NT5DC3: variants seen among roughly 807,000 people sequenced by gnomAD.
NT5DC3 encodes the protein 5'-nucleotidase domain containing 3.
NT5DC3 carries 42 observed loss-of-function variants against 67.8 expected under a neutral mutation model. The ratio of observed to expected loss-of-function variants is 0.62; its 90% CI spans 0.48 to 0.80. The LOEUF is 0.80. NT5DC3 is among the 30% of genes least tolerant of loss of function. The probability of loss-of-function intolerance (pLI) is 0.00; values close to 1 mark genes in which losing one functional copy is unlikely to be tolerated. For synonymous variants in NT5DC3, 237 were observed against 255.6 expected (o/e 0.93, Z 0.69); for missense variants, 570 against 696.4 (o/e 0.82, Z 2.04).
At chr12:103,749,066 G>A in the NT5DC3 span, 4 of 1,614,126 alleles carry the variant, frequency 2.5e-6, no homozygotes, top group Non-Finnish European at 3.4e-6. Flanking sequence ...GATACAAAGG[G>A]GACGGGCACA....
the NT5DC3 span, chr12:103,758,059 G>C: frequency 6.7e-7 from 1 of 1,491,886 alleles, no homozygotes; most frequent in African/African-American, 1.4e-5. Context: ...AGGCTGAGTT[G>C]GCTCACACCA....
At position 103,796,913 on chromosome 12, in the gene NT5DC3, T is replaced by C; in HGVS notation, c.734A>G (p.His245Arg). Residue 245 changes from histidine to arginine, a missense_variant, in exon 6 of 14, where the codon CAT (histidine) becomes CGT (arginine). His to Arg is a conservative substitution (Grantham distance 29). Around this residue, in one of 2 missense-constraint regions of NT5DC3, gnomAD observed 466 missense variants for 608.0 expected, o/e 0.77. Coordinates refer to ENST00000392876, the MANE Select transcript of NT5DC3 (RefSeq NM_001031701.3). ...TACAACCTTGACATCTTTGTACAGA[T>C]GCACAGGCTCATAGTCGATGTTGTT... Reference protein sequence around the residue: ...LKNNIDYEPVHLYKDVKDSIR... With the variant: ...LKNNIDYEPVRLYKDVKDSIR... The C allele has an allele frequency of 1.9e-6, 3 of 1,614,174 alleles. No homozygotes were observed. The highest frequency in any genetic ancestry group is 2.5e-6 in the Non-Finnish European group (3 of 1,180,028).
chr12:103,761,311 G>C, the NT5DC3 span: 1 of 1,614,028 alleles, frequency 6.2e-7, no homozygotes, highest in African/African-American at 1.3e-5. Context: ...CGGAGACCAG[G>C]TTTGTTGATG....
chr12:103,750,304 A>G, the NT5DC3 span, among the ~76,000 whole-genome samples: 1 of 152,230 alleles, frequency 6.6e-6, no homozygotes, highest in Non-Finnish European at 1.5e-5. Context: ...AAATCAGGCC[A>G]ATGTGATAGA....
chr12:103,764,967 A>T, the NT5DC3 span, among the ~76,000 whole-genome samples: 3 of 151,788 alleles, frequency 2.0e-5, no homozygotes, highest in South Asian at 4.2e-4. Flanking sequence ...GCCTGCCTGT[A>T]ATCCCAGCTA....
chr12:103,781,172 A>G (rs1022208390), intron 12 of NT5DC3, among the ~76,000 whole-genome samples: 5 of 152,212 alleles, frequency 3.3e-5, no homozygotes, highest in Non-Finnish European at 7.3e-5. Flanking sequence ...GCCAGAATCC[A>G]AGGTGCACAT....
At chr12:103,814,164 G>C (rs949063534) in intron 2 of NT5DC3, among the ~76,000 whole-genome samples, 2 of 152,198 alleles carry the variant, frequency 1.3e-5, no homozygotes, top group Non-Finnish European at 1.5e-5. Flanking sequence ...TATCTTCCCA[G>C]CTTGTATTGC....
At chr12:103,763,316 T>C in the NT5DC3 span, 1 of 632,802 alleles carries the variant, frequency 1.6e-6, no homozygotes, top group South Asian at 1.9e-5. Flanking sequence ...AAGATGTCAC[T>C]GAGCTGAATC....
intron 2 of NT5DC3, 24 bp downstream of exon 2, chr12:103,814,913 C>T (rs767871507): frequency 1.3e-6 from 2 of 1,570,526 alleles, no homozygotes; most frequent in Non-Finnish European, 1.7e-6. Flanking sequence ...GAGGGAGAAG[C>T]CTGAAATGTC....
chr12:103,800,337 TAA>T (rs1886512642), intron 4 of NT5DC3, among the ~76,000 whole-genome samples: 2 of 152,184 alleles, frequency 1.3e-5, no homozygotes, highest in Admixed American at 1.3e-4. Context: ...GCTCCAGAAA[TAA>T]GATAAGACAC....
chr12:103,750,707 C>A, the NT5DC3 span: 4 of 1,613,610 alleles, frequency 2.5e-6, no homozygotes, highest in Admixed American at 6.7e-5. Flanking sequence ...AATGTGTCGA[C>A]CTCCACTTCC....
At chr12:103,795,200 G>A (rs1886259018) in intron 6 of NT5DC3, among the ~76,000 whole-genome samples, 2 of 152,204 alleles carry the variant, frequency 1.3e-5, no homozygotes, top group South Asian at 4.1e-4. Flanking sequence ...TACCAGCTGT[G>A]TGACCTTGGG....
chr12:103,753,000 C>G, the NT5DC3 span, among the ~76,000 whole-genome samples: 1 of 152,288 alleles, frequency 6.6e-6, no homozygotes, highest in East Asian at 1.9e-4. Flanking sequence ...TTTTACTTTT[C>G]TGTATTGCCC....
downstream of NT5DC3, among the ~76,000 whole-genome samples, chr12:103,767,937 T>A (rs1354136682): frequency 1.3e-5 from 2 of 148,432 alleles, no homozygotes; most frequent in African/African-American, 2.5e-5. Flanking sequence ...AAAAAAAAAA[T>A]AATAGCTGGG....
At chr12:103,815,480 G>A (rs1476340376) in intron 1 of NT5DC3, among the ~76,000 whole-genome samples, 1 of 152,178 alleles carries the variant, frequency 6.6e-6, no homozygotes, top group Admixed American at 6.5e-5. Flanking sequence ...GGAGTGCAGT[G>A]GCACAATCAC....
chr12:103,787,617 GT>G, intron 10 of NT5DC3, 90 bp from the exon 11 acceptor site: 2 of 595,648 alleles, frequency 3.4e-6, no homozygotes, highest in Non-Finnish European at 5.4e-6. Context: ...AAAAATTGTT[GT>G]TTTTATAACT....
At chr12:103,821,344 C>T in intron 1 of NT5DC3, among the ~76,000 whole-genome samples, 1 of 152,240 alleles carries the variant, frequency 6.6e-6, no homozygotes. Context: ...TGGGAAACCT[C>T]TCCTCCCCAA....
the NT5DC3 span, chr12:103,746,551 T>TC: frequency 6.3e-7 from 1 of 1,591,244 alleles, no homozygotes; most frequent in Non-Finnish European, 8.6e-7. Context: ...GGGTTTTAAC[T>TC]CTTCACACCA....
the NT5DC3 span, among the ~76,000 whole-genome samples, chr12:103,754,502 A>G: frequency 6.6e-6 from 1 of 151,228 alleles, no homozygotes; most frequent in Admixed American, 6.6e-5. Context: ...CACATGAAAA[A>G]CTCTTGCAAG....
Sources: allele counts gnomAD v4.1 joint callset (sites outside exome capture counted in the v4.1 genomes callset), GRCh38; gene constraint gnomAD v4.1.1; regional missense constraint gnomAD v4.1.1; transcripts MANE v1.5; gene names NCBI Gene and HGNC (gene_info 2026-07-23, HGNC 2026-07-21).